The following GLB1L3 variants were observed in gnomAD, a reference collection of about 807,000 sequenced individuals.
GLB1L3 encodes beta-galactosidase-1-like protein 3.
GLB1L3 carries 89 observed loss-of-function variants against 89.5 expected under a neutral mutation model. The observed-to-expected ratio is 0.99, with a 90% CI of 0.84 to 1.19. The LOEUF is 1.19. Among genes scored for constraint, GLB1L3 ranks in the 50% most tolerant of loss-of-function variants. The pLI is 0.00. For synonymous variants in GLB1L3, 314 were observed against 312.3 expected (o/e 1.01, Z -0.06); for missense variants, 812 against 813.3 (o/e 1.00, Z 0.02).
intron 9 of GLB1L3, among the ~76,000 whole-genome samples, chr11:134,296,743 A>G (rs2136163196): frequency 6.6e-6 from 1 of 150,652 alleles, no homozygotes; most frequent in East Asian, 2.0e-4. Context: ...CCTAATGTAA[A>G]TGACAAGTTA....
chr11:134,296,859 T>TAA (rs1451821908), intron 9 of GLB1L3, among the ~76,000 whole-genome samples: 17 of 131,846 alleles, frequency 1.3e-4, no homozygotes, highest in African/African-American at 4.7e-4. Context: ...ATAATAATAA[T>TAA]AATAAAAACA....
intron 9 of GLB1L3, among the ~76,000 whole-genome samples, chr11:134,306,129 T>C (rs1376753782): frequency 6.6e-6 from 1 of 152,082 alleles, no homozygotes; most frequent in Non-Finnish European, 1.5e-5. Context: ...CAGTAAGTGA[T>C]GAAAAAGACC....
chr11:134,315,039 AACACCC>A (rs1429900290), intron 18 of GLB1L3, among the ~76,000 whole-genome samples: 6 of 152,326 alleles, frequency 3.9e-5, no homozygotes, highest in Admixed American at 1.3e-4. Flanking sequence ...CTTGACTTCT[AACACCC>A]TAGGCCAGTG....
chr11:134,312,608 T>C (rs967804551), intron 14 of GLB1L3, 119 bp downstream of exon 14: 57 of 1,308,344 alleles, frequency 4.4e-5, no homozygotes, highest in African/African-American at 7.3e-5. Flanking sequence ...ATGGGAGGCA[T>C]TGGGACTAAA....
At chr11:134,312,155 C>G (rs1373382055) in intron 13 of GLB1L3, 194 bp from the exon 14 acceptor site, 2 of 591,402 alleles carry the variant, frequency 3.4e-6, no homozygotes, top group Admixed American at 3.0e-5. Context: ...TCACCATGCC[C>G]TGCATTTCCC....
chr11:134,283,986 T>C, intron 6 of GLB1L3, 141 bp downstream of exon 6: 1 of 631,442 alleles, frequency 1.6e-6, no homozygotes, highest in Non-Finnish European at 2.9e-6. Context: ...TCTGGACCCT[T>C]GGCTTGAGGA....
chr11:134,283,738 T>G lies in GLB1L3; in HGVS notation c.529T>G (p.Trp177Gly). 1 of 1,603,098 alleles carries G rather than the reference T, an allele frequency of 6.2e-7. No individual in the cohort carries two copies. Among genetic ancestry groups the G allele is most frequent in the Non-Finnish European group, 8.5e-7 (1 of 1,171,502 alleles). The stretch of plus-strand genomic sequence containing the variant: ...TGAGCCCGCCCCTCTTGCCCCCAGC[T>G]GGCTCCTGCAAGACCCCCGGTTACT... The part of the protein sequence containing the change: ...SEMDLGGLPS[W>G]LLQDPRLLLR... Residue 177 changes from tryptophan (W) to glycine (G), a missense_variant and splice_region_variant, in exon 6 of 20, where the codon TGG (tryptophan) becomes GGG (glycine). Around this residue, in one of 3 missense-constraint regions of GLB1L3, gnomAD observed 618 missense variants for 604.0 expected, o/e 1.02. Transcript: ENST00000431683.
chr11:134,297,887 A>G (rs1400291879), intron 9 of GLB1L3, among the ~76,000 whole-genome samples: 2 of 149,264 alleles, frequency 1.3e-5, no homozygotes, highest in Non-Finnish European at 3.0e-5. Flanking sequence ...AAAGAAAGAA[A>G]GAGAGAAAAA....
At chr11:134,281,184 C>T (rs1258186457) in intron 3 of GLB1L3, among the ~76,000 whole-genome samples, 193 bp from the exon 4 acceptor site, 7 of 152,170 alleles carry the variant, frequency 4.6e-5, no homozygotes, top group Admixed American at 4.6e-4. Flanking sequence ...GCTTGAACCA[C>T]AATTGGATAA....
chr11:134,302,999 A>T (rs1384036459), intron 9 of GLB1L3, among the ~76,000 whole-genome samples: 1 of 152,204 alleles, frequency 6.6e-6, no homozygotes, highest in African/African-American at 2.4e-5. Context: ...TAGCAAGTTT[A>T]TCAAAGTTTG....
At chr11:134,308,232 CCACCATCACCAT>C (rs1565412558) in intron 10 of GLB1L3, among the ~76,000 whole-genome samples, 10 of 26,818 alleles carry the variant, frequency 3.7e-4, no homozygotes, top group African/African-American at 1.8e-3. Context: ...ATCACCACCA[CCACCATCACCAT>C]CACCACCATC....
intron 10 of GLB1L3, among the ~76,000 whole-genome samples, chr11:134,308,456 CACCACCACCACCACCAAAT>C (rs1419655307): frequency 0.023 from 1,072 of 46,174 alleles, 43 homozygotes; most frequent in African/African-American, 0.029. Flanking sequence ...TCACCACCAC[CACCACCACCACCACCAAAT>C]ACCACCACCA....
chr11:134,318,706 C>T lies in GLB1L3; in HGVS notation c.1855C>T (p.Leu619=). ...TTGGAATATTGGGCCTCAGAAAACACTGTACCTTCCTGGAGTTTGGCTTCA... is the reference window on the plus strand; with the variant it reads ...TTGGAATATTGGGCCTCAGAAAACATTGTACCTTCCTGGAGTTTGGCTTCA... The part of the protein sequence containing the change: ...RYWNIGPQKT[L]YLPGVWLHPE... Residue 619 remains leucine, a synonymous_variant, in exon 19 of 20, where the codon CTG becomes TTG. Transcript: ENST00000431683. 2 of 1,612,784 alleles carry T rather than the reference C, an allele frequency of 1.2e-6. No individual in the cohort carries two copies. Among genetic ancestry groups the T allele is most frequent in the Non-Finnish European group, 1.7e-6 (2 of 1,179,114 alleles).
At chr11:134,286,497 C>G (rs531792087) in intron 6 of GLB1L3, among the ~76,000 whole-genome samples, 2 of 126,574 alleles carry the variant, frequency 1.6e-5, no homozygotes, top group South Asian at 5.5e-4. Context: ...GACTGGTGGC[C>G]GGGCGCGGTG....
chr11:134,300,419 A>G (rs1381007176), intron 9 of GLB1L3, among the ~76,000 whole-genome samples: 3 of 144,248 alleles, frequency 2.1e-5, no homozygotes, highest in Admixed American at 7.1e-5. Flanking sequence ...TGCAAGCTCC[A>G]CCTCCTGGGT....
chr11:134,292,650 G>T (rs758520254), intron 8 of GLB1L3: 1 of 228,506 alleles, frequency 4.4e-6, no homozygotes, highest in South Asian at 7.2e-5. Flanking sequence ...CCAAGGCTCT[G>T]TGTGGACACT....
At chr11:134,282,656 TCTC>T (rs2136113923) in intron 5 of GLB1L3, among the ~76,000 whole-genome samples, 1 of 152,274 alleles carries the variant, frequency 6.6e-6, no homozygotes, top group South Asian at 2.1e-4. Flanking sequence ...TGCCTTGTTC[TCTC>T]CTCTGTGATT....
chr11:134,308,122 TCATCA>T (rs1297212434), intron 10 of GLB1L3, among the ~76,000 whole-genome samples: 2 of 85,108 alleles, frequency 2.3e-5, no homozygotes, highest in African/African-American at 3.6e-5. Flanking sequence ...ACCACCACCA[TCATCA>T]CATCACCACC....
At chr11:134,305,301 G>A (rs906280199) in intron 9 of GLB1L3, 2 of 644,568 alleles carry the variant, frequency 3.1e-6, no homozygotes, top group African/African-American at 3.6e-5. Context: ...TAAATGGTTG[G>A]TATTGCACTA....
Sources: allele counts gnomAD v4.1 joint callset (sites outside exome capture counted in the v4.1 genomes callset), GRCh38; gene constraint gnomAD v4.1.1; regional missense constraint gnomAD v4.1.1; transcripts MANE v1.5; gene names NCBI Gene and HGNC (gene_info 2026-07-23, HGNC 2026-07-21).